The following FAM184B variants were observed in gnomAD, a reference collection of about 807,000 sequenced individuals.
The protein encoded by FAM184B is family with sequence similarity 184 member B, also known as protein FAM184B.
In FAM184B, 111 loss-of-function variants were observed where a neutral mutation model predicts 135.9. The ratio of observed to expected loss-of-function variants is 0.82; its 90% CI spans 0.70 to 0.96. FAM184B has a LOEUF of 0.96. Among genes scored for constraint, FAM184B ranks in the 40% least tolerant of loss-of-function variants. The pLI, the probability that FAM184B is intolerant of heterozygous loss-of-function variation, is 0.00. For missense variants in FAM184B, 1,375 were observed against 1,323.9 expected, an observed-to-expected ratio of 1.04 and a Z score of -0.60; for synonymous variants, 552 against 524.8, an observed-to-expected ratio of 1.05 and a Z score of -0.71.
intron 1 of FAM184B, among the ~76,000 whole-genome samples, chr4:17,735,364 AG>A (rs1309432539): frequency 5.9e-5 from 9 of 152,104 alleles, no homozygotes; most frequent in Non-Finnish European, 8.8e-5. Context: ...AAAAAAAGAA[AG>A]TTCGATTATA....
chr4:17,638,851 C>T (rs1340868367), intron 14 of FAM184B, among the ~76,000 whole-genome samples: 4 of 152,060 alleles, frequency 2.6e-5, no homozygotes, highest in African/African-American at 9.7e-5. Context: ...CCACACCCCG[C>T]CTCCTGCCCT....
At position 17,642,048 on chromosome 4, in the gene FAM184B, T is replaced by C; in HGVS notation, c.2519+8A>G. 1 of 1,522,470 alleles carries C rather than the reference T, an allele frequency of 6.6e-7. No homozygotes were observed. The highest frequency in any genetic ancestry group is 2.5e-5 in the East Asian group (1 of 39,530). The allele number at this position is 1,522,470 out of a possible 1,614,324, so 94.3% of individuals were successfully genotyped here. On this transcript the variant is annotated splice_region_variant and intron_variant, in intron 13 of 17. Coordinates refer to ENST00000265018, the MANE Select transcript of FAM184B (RefSeq NM_015688.2). Reference sequence around the variant, plus strand: ...TGGCGCGGTGGCGGGGCGCGCCGGGTCACCCACCTGCGCTGGTCTCGGAGC... The same window carrying C: ...TGGCGCGGTGGCGGGGCGCGCCGGGCCACCCACCTGCGCTGGTCTCGGAGC...
chr4:17,742,168 A>ATATATATT (rs1459958150), intron 1 of FAM184B, among the ~76,000 whole-genome samples: 2 of 109,310 alleles, frequency 1.8e-5, no homozygotes, highest in African/African-American at 9.6e-5. Context: ...ATATATATAT[A>ATATATATT]TTTTTTTTTT....
At chr4:17,674,516 A>T (rs1232693248) in intron 7 of FAM184B, among the ~76,000 whole-genome samples, 1 of 152,164 alleles carries the variant, frequency 6.6e-6, no homozygotes. Context: ...TCATTGCTGA[A>T]GGCTGGGGCA....
intron 3 of FAM184B, among the ~76,000 whole-genome samples, chr4:17,706,756 C>T (rs1717128461): frequency 6.6e-6 from 1 of 152,194 alleles, no homozygotes; most frequent in Non-Finnish European, 1.5e-5. Context: ...ATCACTTGAG[C>T]CCCAAATTTC....
intron 1 of FAM184B, among the ~76,000 whole-genome samples, chr4:17,767,003 C>A (rs1718713507): frequency 6.6e-6 from 1 of 152,206 alleles, no homozygotes; most frequent in Admixed American, 6.5e-5. Flanking sequence ...GCCAGCGGGC[C>A]AGCACTGCTG....
At chr4:17,741,321 A>G (rs1432749605) in intron 1 of FAM184B, among the ~76,000 whole-genome samples, 1 of 152,232 alleles carries the variant, frequency 6.6e-6, no homozygotes, top group Non-Finnish European at 1.5e-5. Context: ...AGAAAGTGAC[A>G]TGCGAGTGAA....
chr4:17,737,493 T>C (rs1717939497), intron 1 of FAM184B, among the ~76,000 whole-genome samples: 1 of 152,070 alleles, frequency 6.6e-6, no homozygotes, highest in African/African-American at 2.4e-5. Context: ...ATTGCTCAGA[T>C]GTTAAAAAGA....
At chr4:17,663,291 A>T (rs924781030) in intron 8 of FAM184B, among the ~76,000 whole-genome samples, 3 of 152,192 alleles carry the variant, frequency 2.0e-5, no homozygotes, top group Admixed American at 1.3e-4. Context: ...CCATTTAAAA[A>T]ATAGGTTTGC....
chr4:17,653,042 A>C, intron 10 of FAM184B, 59 bp from the exon 11 acceptor site: 1 of 1,497,190 alleles, frequency 6.7e-7, no homozygotes, highest in Non-Finnish European at 9.1e-7. Context: ...GGGAGACCTG[A>C]CTCCTTTGCC....
intron 7 of FAM184B, among the ~76,000 whole-genome samples, chr4:17,667,001 C>A (rs1310540763): frequency 6.6e-6 from 1 of 151,822 alleles, no homozygotes; most frequent in Non-Finnish European, 1.5e-5. Flanking sequence ...CTCCGTCACC[C>A]AGGGTAGAGT....
chr4:17,635,363 A>C (rs1443791429), intron 15 of FAM184B, among the ~76,000 whole-genome samples: 1 of 152,210 alleles, frequency 6.6e-6, no homozygotes, highest in Non-Finnish European at 1.5e-5. Context: ...AACTGTTCTT[A>C]GCATGTGAAG....
chr4:17,678,968 C>T (rs545942534), intron 7 of FAM184B, among the ~76,000 whole-genome samples: 1 of 152,232 alleles, frequency 6.6e-6, no homozygotes, highest in East Asian at 1.9e-4. Context: ...GGATAATTGG[C>T]AAGCCACACG....
At chr4:17,761,906 A>C (rs1718555164) in intron 1 of FAM184B, among the ~76,000 whole-genome samples, 1 of 152,116 alleles carries the variant, frequency 6.6e-6, no homozygotes, top group Non-Finnish European at 1.5e-5. Flanking sequence ...CTCTCTTAAA[A>C]GGCTCTCCTC....
rs1306102755 is a variant in FAM184B, at chr4:17,707,719, T to G, written c.960A>C (p.Lys320Asn). ...TGGCAACAGCCAGCTTCTCCCCAAG[T>G]TTTTTTGCAGTGCCTTTCAACTCTG... ...ENSELKGTAK[K>N]LGEKLAVAKD... The change falls in exon 3 of 18, where the codon AAA becomes AAC. Residue 320 changes from lysine (K) to asparagine (N), a missense_variant. Transcript: ENST00000265018. The G allele has an allele frequency of 8.4e-6, 13 of 1,551,728 alleles. No individual in the cohort carries two copies. Among genetic ancestry groups the G allele is most frequent in the African/African-American group, 6.8e-5 (5 of 73,042 alleles).
intron 14 of FAM184B, among the ~76,000 whole-genome samples, chr4:17,638,412 C>T (rs1715212642): frequency 6.6e-6 from 1 of 151,712 alleles, no homozygotes; most frequent in South Asian, 2.1e-4. Context: ...AGGCTGGTCT[C>T]GAACTCCTGG....
chr4:17,763,573 T>TGAAAA (rs112252071), intron 1 of FAM184B, among the ~76,000 whole-genome samples: 109,493 of 151,310 alleles, frequency 0.72, 40,126 homozygotes, highest in Non-Finnish European at 0.79. Context: ...TTTGGCAGCG[T>TGAAAA]GAAGAGGCTT....
chr4:17,698,704 T>C (rs1716920474), intron 5 of FAM184B, among the ~76,000 whole-genome samples: 1 of 152,136 alleles, frequency 6.6e-6, no homozygotes, highest in Admixed American at 6.5e-5. Context: ...TGCTCTAGAC[T>C]CATCCTAACC....
At chr4:17,748,103 G>GA (rs58795222) in intron 1 of FAM184B, among the ~76,000 whole-genome samples, 44,872 of 70,208 alleles carry the variant, frequency 0.64, 14,581 homozygotes, top group Non-Finnish European at 0.75. Context: ...GACTCCGTCT[G>GA]AAAAAAAAAA....
Sources: allele counts gnomAD v4.1 joint callset (sites outside exome capture counted in the v4.1 genomes callset), GRCh38; gene constraint gnomAD v4.1.1; transcripts MANE v1.5; gene names NCBI Gene and HGNC (gene_info 2026-07-23, HGNC 2026-07-21).